The following CCDC171 variants were observed in gnomAD, a reference collection of about 807,000 sequenced individuals.
The protein encoded by CCDC171 is coiled-coil domain-containing protein 171.
Under a neutral mutation model 168.2 loss-of-function variants are expected in CCDC171, and 177 were observed. The ratio of observed to expected loss-of-function variants is 1.05; its 90% confidence interval spans 0.93 to 1.19. CCDC171 has a LOEUF of 1.19. Ranked by LOEUF, CCDC171 falls within the 50% of genes most tolerant of loss-of-function variation. The pLI, the probability that CCDC171 is intolerant of heterozygous loss-of-function variation, is 0.00. For missense variants in CCDC171, 1,991 were observed against 1,539.0 expected (o/e 1.29, Z -4.91); for synonymous variants, 687 against 540.8 (o/e 1.27, Z -3.75).
intron 24 of CCDC171, among the ~76,000 whole-genome samples, chr9:15,897,852 C>T (rs1434811186): frequency 6.6e-6 from 1 of 152,098 alleles, no homozygotes; most frequent in African/African-American, 2.4e-5. Context: ...CAAATCAAAC[C>T]AGGAAACTTG....
intron 16 of CCDC171, among the ~76,000 whole-genome samples, chr9:15,743,558 T>C (rs893960886): frequency 2.0e-5 from 3 of 152,242 alleles, no homozygotes; most frequent in African/African-American, 7.2e-5. Flanking sequence ...TAGTGATTAA[T>C]TGTGGTTCTT....
chr9:15,683,765 A>G (rs2050194861), intron 10 of CCDC171, among the ~76,000 whole-genome samples: 1 of 152,068 alleles, frequency 6.6e-6, no homozygotes, highest in Non-Finnish European at 1.5e-5. Context: ...CCTGGGAAAA[A>G]TAAAATGGTA....
chr9:15,998,848 C>T (rs963919490), intron 3 of CCDC171, among the ~76,000 whole-genome samples: 2 of 152,190 alleles, frequency 1.3e-5, no homozygotes, highest in African/African-American at 4.8e-5. Flanking sequence ...GTTCTTGCCC[C>T]TACTCCTCAG....
chr9:15,648,475 A>C (rs1290363286), intron 7 of CCDC171, among the ~76,000 whole-genome samples: 3 of 152,324 alleles, frequency 2.0e-5, no homozygotes, highest in East Asian at 1.9e-4. Context: ...TTTGTAGATG[A>C]CATGATTGTA....
At chr9:15,709,734 GT>G (rs2052515624) in intron 11 of CCDC171, among the ~76,000 whole-genome samples, 2 of 152,198 alleles carry the variant, frequency 1.3e-5, no homozygotes, top group South Asian at 4.1e-4. Flanking sequence ...TAATGAACAT[GT>G]TTTTTCTTAC....
At chr9:16,044,210 A>T (rs1041333102) in intron 1 of CCDC171, among the ~76,000 whole-genome samples, 1 of 152,220 alleles carries the variant, frequency 6.6e-6, no homozygotes, top group African/African-American at 2.4e-5. Context: ...GGATCAAGCA[A>T]CTTTCATTGA....
intron 9 of CCDC171, 69 bp from the exon 10 acceptor site, chr9:15,678,689 T>C: frequency 7.7e-7 from 1 of 1,305,452 alleles, no homozygotes; most frequent in Non-Finnish European, 1.1e-6. Flanking sequence ...GCCATATGTA[T>C]TAAAGGTGTG....
chr9:15,574,388 C>G (rs1483677669), intron 3 of CCDC171, among the ~76,000 whole-genome samples: 1 of 151,836 alleles, frequency 6.6e-6, no homozygotes, highest in Non-Finnish European at 1.5e-5. Context: ...TGTGATCCAC[C>G]CGCCTTGGCC....
chr9:15,559,962 A>C, intron 1 of CCDC171, among the ~76,000 whole-genome samples: 1 of 152,092 alleles, frequency 6.6e-6, no homozygotes, highest in East Asian at 1.9e-4. Flanking sequence ...GTTTGTCTGA[A>C]AAGGATTTTA....
intron 24 of CCDC171, among the ~76,000 whole-genome samples, chr9:15,900,981 T>C (rs1821562621): frequency 6.6e-6 from 1 of 152,196 alleles, no homozygotes. Flanking sequence ...AACTTTTTCA[T>C]AGCACACTCT....
chr9:15,985,355 C>G (rs1164924967), intron 3 of CCDC171, among the ~76,000 whole-genome samples: 3 of 152,184 alleles, frequency 2.0e-5, no homozygotes, highest in African/African-American at 4.8e-5. Context: ...AGTCAGATTA[C>G]TTCCTTCCAT....
chr9:15,779,115 G>C lies in CCDC171; in HGVS notation c.3046G>C (p.Gly1016Arg). The stretch of plus-strand genomic sequence containing the variant: ...GAAAAAGGAGCTTGACAAAGCCCAG[G>C]GTCTGCAAATGCAATTAAATGAATT... ...EMKKELDKAQGLQMQLNEFKQ... is the reference protein window; with the variant it reads ...EMKKELDKAQRLQMQLNEFKQ... The change falls in exon 20 of 26, where the codon GGT becomes CGT. Residue 1016 changes from glycine to arginine, a missense_variant. Gly to Arg is a moderately radical substitution (Grantham distance 125). Transcript: ENST00000380701. 1.3e-6 allele frequency: 2 copies of C among 1,588,476 alleles called. No homozygotes were observed. Among genetic ancestry groups the C allele is most frequent in the Non-Finnish European group, 8.5e-7 (1 of 1,170,320 alleles).
chr9:15,701,764 A>G (rs570738947), intron 11 of CCDC171, among the ~76,000 whole-genome samples: 1 of 152,106 alleles, frequency 6.6e-6, no homozygotes, highest in Non-Finnish European at 1.5e-5. Flanking sequence ...TAAATCCTTT[A>G]TTGTCATTTT....
rs977661335 is a variant in CCDC171, at chr9:16,055,178, G to A, written n.90-5468G>A. On this transcript the variant is annotated intron_variant and non_coding_transcript_variant, in intron 1 of 1. Transcript: ENST00000478913. Reference sequence around the variant, plus strand: ...GGAGATGTCATTTATGGAGATGGGGGAACTGTAGTAGGGGCAGAGATTTTT... The same window carrying A: ...GGAGATGTCATTTATGGAGATGGGGAAACTGTAGTAGGGGCAGAGATTTTT... Among the ~76,000 whole-genome samples the A allele has an allele frequency of 2.6e-5, 4 of 152,196 alleles. 1 individual carries two copies. The highest frequency in any genetic ancestry group is 9.7e-5 in the African/African-American group (4 of 41,444).
intron 21 of CCDC171, among the ~76,000 whole-genome samples, chr9:15,844,235 A>G (rs186544587): frequency 7.2e-5 from 11 of 152,220 alleles, no homozygotes; most frequent in Admixed American, 3.9e-4. Flanking sequence ...AATTAGATCA[A>G]TCTGAACAGG....
intron 6 of CCDC171, among the ~76,000 whole-genome samples, chr9:16,024,402 A>G (rs944586135): frequency 1.3e-5 from 2 of 152,166 alleles, no homozygotes; most frequent in Admixed American, 6.5e-5. Flanking sequence ...CCAACTCCCA[A>G]CATCTCCTCC....
chr9:15,662,979 TCAA>T (rs139672521), intron 8 of CCDC171, among the ~76,000 whole-genome samples: 38,651 of 150,054 alleles, frequency 0.26, 5,189 homozygotes, highest in Non-Finnish European at 0.31. Flanking sequence ...AGACTTCGTC[TCAA>T]CAACAACAAC....
intron 3 of CCDC171, among the ~76,000 whole-genome samples, chr9:15,577,681 C>G (rs1284867346): frequency 6.6e-6 from 1 of 152,176 alleles, no homozygotes; most frequent in Non-Finnish European, 1.5e-5. Flanking sequence ...ATTGGTTACA[C>G]AGGTACCAGA....
At chr9:16,066,725 T>C in the CCDC171 span, among the ~76,000 whole-genome samples, 1 of 149,654 alleles carries the variant, frequency 6.7e-6, no homozygotes, top group South Asian at 2.2e-4. Flanking sequence ...GGTTTTTTGT[T>C]CTTGCGATAG....
Sources: allele counts gnomAD v4.1 joint callset (sites outside exome capture counted in the v4.1 genomes callset), GRCh38; gene constraint gnomAD v4.1.1; transcripts MANE v1.5; gene names NCBI Gene and HGNC (gene_info 2026-07-23, HGNC 2026-07-21).